Variants in SIGLECL1 observed in about 807,000 individuals in gnomAD.
SIGLECL1 encodes SIGLEC family-like protein 1.
A neutral mutation model predicts 19.1 loss-of-function variants in SIGLECL1; 16 were observed. The ratio of observed to expected loss-of-function variants is 0.84; its 90% confidence interval spans 0.57 to 1.27. The LOEUF (loss-of-function observed/expected upper bound fraction) is 1.27. SIGLECL1 is among the 50% of genes most tolerant of loss of function. The probability of loss-of-function intolerance (pLI) is 0.00; values close to 1 mark genes in which losing one functional copy is unlikely to be tolerated. For missense variants in SIGLECL1, 210 were observed against 239.4 expected (o/e 0.88, Z 0.81); for synonymous variants, 89 against 90.4 (o/e 0.98, Z 0.09).
intron 1 of SIGLECL1, among the ~76,000 whole-genome samples, chr19:51,260,463 T>A (rs999328872): frequency 1.3e-5 from 2 of 152,236 alleles, no homozygotes; most frequent in African/African-American, 4.8e-5. Flanking sequence ...TAGTATCTCA[T>A]TTTTTAAAAT....
intron 2 of SIGLECL1, 114 bp from the exon 3 acceptor site, chr19:51,265,254 A>C: frequency 8.2e-7 from 1 of 1,224,156 alleles, no homozygotes. Context: ...GGGCTTCCAG[A>C]AAGTCCTTCT....
intron 1 of SIGLECL1, among the ~76,000 whole-genome samples, chr19:51,260,935 T>G (rs1308369336): frequency 6.6e-6 from 1 of 152,250 alleles, no homozygotes; most frequent in African/African-American, 2.4e-5. Context: ...TTGGTCAAAT[T>G]TGCTGATCAA....
At chr19:51,250,576 T>C (rs1982422534), upstream of SIGLECL1, among the ~76,000 whole-genome samples, 1 of 152,150 alleles carries the variant, frequency 6.6e-6, no homozygotes, top group Admixed American at 6.5e-5. Flanking sequence ...CCTCTGTCAT[T>C]TTGAAAGTGT....
intron 2 of SIGLECL1, 63 bp from the exon 3 acceptor site, chr19:51,265,305 C>T: frequency 6.6e-7 from 1 of 1,521,518 alleles, no homozygotes; most frequent in South Asian, 1.3e-5. Flanking sequence ...AGGCTGCATG[C>T]TGGAGAAACT....
chr19:51,264,232 T>A, intron 2 of SIGLECL1, 138 bp downstream of exon 2: 1 of 904,406 alleles, frequency 1.1e-6, no homozygotes, highest in South Asian at 1.7e-5. Flanking sequence ...ATAATCAACA[T>A]GAATTAGACA....
At chr19:51,247,270 G>C (rs1483950164), upstream of SIGLECL1, among the ~76,000 whole-genome samples, 1 of 152,148 alleles carries the variant, frequency 6.6e-6, no homozygotes, top group Non-Finnish European at 1.5e-5. Context: ...AAGGACTCCA[G>C]ATATTGTCAG....
intron 2 of SIGLECL1, 146 bp downstream of exon 2, chr19:51,264,240 A>G: frequency 3.4e-6 from 3 of 891,274 alleles, no homozygotes; most frequent in Non-Finnish European, 5.1e-6. Flanking sequence ...CATGAATTAG[A>G]CAGCTTCTGT....
chr19:51,262,196 G>T (rs964621802), intron 1 of SIGLECL1, among the ~76,000 whole-genome samples: 6 of 152,194 alleles, frequency 3.9e-5, no homozygotes, highest in African/African-American at 1.4e-4. Flanking sequence ...CCCTTTTAAA[G>T]AAATATTTCC....
Position 51,251,361 on chromosome 19 carries a change from G to T in SIGLECL1, c.-375G>T, listed in dbSNP as rs1982472042. 1 of 152,722 alleles carries T rather than the reference G, an allele frequency of 6.5e-6. No homozygotes were observed. The highest frequency in any genetic ancestry group is 1.5e-5 in the Non-Finnish European group (1 of 68,216). The allele number at this position is 152,722 out of a possible 1,614,324, so 9.5% of individuals were successfully genotyped here. ...GCCGCAGGTCGGTTAGGCCACCAGG[G>T]CGGCTCTCGTGCCAGTGAGGCCCCT... On this transcript the variant is annotated 5_prime_UTR_variant, in exon 1 of 6. Transcript: ENST00000601727.
At chr19:51,251,757 A>G (rs184949385) in intron 1 of SIGLECL1, among the ~76,000 whole-genome samples, 2 of 152,262 alleles carry the variant, frequency 1.3e-5, no homozygotes, top group Admixed American at 6.5e-5. Context: ...ATGTGTGTCT[A>G]TCAGTTTCAT....
intron 2 of SIGLECL1, 84 bp downstream of exon 2, chr19:51,264,178 C>T: frequency 6.6e-7 from 1 of 1,514,452 alleles, no homozygotes; most frequent in African/African-American, 1.4e-5. Flanking sequence ...AGAGGATGGG[C>T]TATGGAGGCA....
intron 2 of SIGLECL1, 138 bp from the exon 3 acceptor site, chr19:51,265,230 G>T (rs1376912584): frequency 9.0e-6 from 8 of 889,040 alleles, no homozygotes; most frequent in Non-Finnish European, 1.2e-5. Flanking sequence ...TGGTCTGGGA[G>T]GCCTGAATCC....
intron 1 of SIGLECL1, among the ~76,000 whole-genome samples, chr19:51,261,196 AG>A (rs1487813117): frequency 6.6e-6 from 1 of 152,178 alleles, no homozygotes; most frequent in Non-Finnish European, 1.5e-5. Flanking sequence ...TTTTGCTTAA[AG>A]TCTGCTTTAT....
chr19:51,258,183 T>C (rs148623558), intron 1 of SIGLECL1, among the ~76,000 whole-genome samples: 209 of 152,234 alleles, frequency 1.4e-3, no homozygotes, highest in African/African-American at 4.9e-3. Context: ...ACCTTGCAAA[T>C]GATTTGAGAA....
rs746687080 is a variant in SIGLECL1 at position 51,265,697 on chromosome 19, T to A, written c.304+48T>A. 2.5e-6 allele frequency: 4 copies of A among 1,612,162 alleles called. No homozygotes were observed. The Admixed American group carries it at 6.7e-5, about 27-fold the overall frequency. ...GACTGGGTGAGGACAATAAGCGGGA[T>A]GGGGACAGTCACTGGGGCTAGAGAA... On this transcript the variant is annotated intron_variant, in intron 3 of 5. Coordinates refer to ENST00000601727, the MANE Select transcript of SIGLECL1 (RefSeq NM_001385465.1).
rs369666963 is a variant in SIGLECL1 at position 51,265,321 on chromosome 19, A to C, written c.23-47A>C. On this transcript the variant is annotated intron_variant, in intron 2 of 5. Transcript: ENST00000601727. The stretch of plus-strand genomic sequence containing the variant: ...GGCTGCATGCTGGAGAAACTGGAAG[A>C]GGGAAGCCAGGATGCCTTGCTGACT... 6.4e-6 allele frequency: 10 copies of C among 1,551,116 alleles called. No individual in the cohort carries two copies. In the African/African-American group the frequency reaches 1.4e-4, roughly 21 times the overall value.
At chr19:51,259,203 C>A (rs1983030477) in intron 1 of SIGLECL1, among the ~76,000 whole-genome samples, 1 of 152,150 alleles carries the variant, frequency 6.6e-6, no homozygotes, top group Non-Finnish European at 1.5e-5. Flanking sequence ...CATAGGATTA[C>A]AAAGTGGATG....
At chr19:51,249,230 A>C (rs1415662681), upstream of SIGLECL1, among the ~76,000 whole-genome samples, 1 of 152,138 alleles carries the variant, frequency 6.6e-6, no homozygotes, top group Non-Finnish European at 1.5e-5. Context: ...AGAGCCAGCA[A>C]GCAGAGAAGC....
chr19:51,267,427 A>C lies in SIGLECL1; in HGVS notation c.465A>C (p.Lys155Asn). 6.2e-7 allele frequency: 1 copy of C among 1,614,182 alleles called. No individual in the cohort carries two copies. ...AGAAAGCTGCAGCGATCAGAGCAAA[A>C]AAGAGCTCTAAAGTCAGAGCAAGCC... ...QAKKAAAIRA[K>N]KSSKVRASQE... The change falls in exon 5 of 6, where the codon AAA (lysine) becomes AAC (asparagine). Residue 155 changes from lysine to asparagine, a missense_variant. Physicochemically the swap from Lys to Asn is moderately conservative, Grantham distance 94 (BLOSUM62 0). Coordinates refer to ENST00000601727, the MANE Select transcript of SIGLECL1 (RefSeq NM_001385465.1).
Sources: gnomAD v4.1 joint callset for allele counts (sites outside exome capture counted in the v4.1 genomes callset) on GRCh38, gnomAD v4.1.1 for gene constraint, MANE v1.5 for transcripts, NCBI Gene and HGNC (gene_info 2026-07-23, HGNC 2026-07-21) for gene names.